Variants in PLAA observed in about 807,000 individuals in gnomAD.
PLAA encodes the protein phospholipase A2 activating protein.
In PLAA, 48 loss-of-function variants were observed where a neutral mutation model predicts 84.1. That is an observed-to-expected ratio of 0.57 (90% CI 0.45 to 0.73). PLAA has a LOEUF of 0.73. Ranked by LOEUF, PLAA falls within the 30% of genes least tolerant of loss-of-function variation. PLAA has a pLI of 0.00. For synonymous variants in PLAA, 392 were observed against 336.6 expected (o/e 1.16, Z -1.80); for missense variants, 903 against 954.7 (o/e 0.95, Z 0.71).
At chr9:26,940,278 A>C (rs1028899137) in intron 1 of PLAA, among the ~76,000 whole-genome samples, 1 of 152,236 alleles carries the variant, frequency 6.6e-6, no homozygotes, top group African/African-American at 2.4e-5. Context: ...ATGGATGAAT[A>C]AACAAAATGT....
intron 11 of PLAA, among the ~76,000 whole-genome samples, chr9:26,911,567 C>T (rs767712308): frequency 6.6e-6 from 1 of 152,118 alleles, no homozygotes; most frequent in Non-Finnish European, 1.5e-5. Context: ...AGATTACAGG[C>T]GTGAGCCACC....
rs1253429782 is a variant in PLAA at position 26,904,737 on chromosome 9, A to C, written c.*774T>G. ...TTATGTAACCACCTGATAAAATTCA[A>C]CATGTTCCAAATTCCCTTTGAAATA... On this transcript the variant is annotated 3_prime_UTR_variant, in exon 14 of 14. Transcript: ENST00000397292. 6.6e-6 allele frequency: 1 copy of C among 152,308 alleles called. No homozygotes were observed. Among genetic ancestry groups the C allele is most frequent in the African/African-American group, 2.4e-5 (1 of 41,450 alleles). The allele number at this position is 152,308 out of a possible 1,614,324, so 9.4% of individuals were successfully genotyped here.
rs1824387063 is a variant in PLAA, at chr9:26,911,157, C to T, written c.1556-718G>A. ...TGGTGGTTTGCTGAGGAGTCCTAGCCCTTTTGTTTTTTTGAGACAGAGTCA... is the reference window on the plus strand; with the variant it reads ...TGGTGGTTTGCTGAGGAGTCCTAGCTCTTTTGTTTTTTTGAGACAGAGTCA... On this transcript the variant is annotated intron_variant, in intron 11 of 13. Coordinates refer to ENST00000397292, the MANE Select transcript of PLAA (RefSeq NM_001031689.3). Among the ~76,000 whole-genome samples the T allele has an allele frequency of 1.3e-5, 2 of 151,618 alleles. 1 individual carries two copies. The highest frequency in any genetic ancestry group is 4.8e-5 in the African/African-American group (2 of 41,278).
chr9:26,943,111 T>C (rs1475460385), intron 1 of PLAA, among the ~76,000 whole-genome samples: 1 of 152,158 alleles, frequency 6.6e-6, no homozygotes, highest in Non-Finnish European at 1.5e-5. Context: ...TGAAGTCCTA[T>C]CTCACTCATC....
At chr9:26,915,816 T>G in intron 10 of PLAA, 1 of 985,438 alleles carries the variant, frequency 1.0e-6, no homozygotes, top group Non-Finnish European at 1.2e-6. Context: ...TTTGCTGGTA[T>G]TAGTTGAAGC....
At chr9:26,935,727 TGAA>T (rs1387387346) in intron 1 of PLAA, among the ~76,000 whole-genome samples, 11 of 152,098 alleles carry the variant, frequency 7.2e-5, no homozygotes, top group East Asian at 5.8e-4. Context: ...TGGGCCACAC[TGAA>T]GAAGAAGAAT....
At chr9:26,911,996 C>T (rs1184397050) in intron 11 of PLAA, among the ~76,000 whole-genome samples, 1 of 152,096 alleles carries the variant, frequency 6.6e-6, no homozygotes, top group African/African-American at 2.4e-5. Context: ...TTGGTCATTA[C>T]AGTCTAGGAG....
intron 7 of PLAA, among the ~76,000 whole-genome samples, chr9:26,922,269 T>G (rs1230625902): frequency 6.6e-6 from 1 of 150,952 alleles, no homozygotes; most frequent in Non-Finnish European, 1.5e-5. Flanking sequence ...GCAAACTGTT[T>G]TTTTTTGTTT....
intron 12 of PLAA, among the ~76,000 whole-genome samples, chr9:26,908,766 G>A (rs750386071): frequency 2.0e-5 from 3 of 152,070 alleles, no homozygotes; most frequent in Non-Finnish European, 4.4e-5. Flanking sequence ...GAGCCACCAC[G>A]TCCGGCCTCC....
In PLAA at chr9:26,913,947, C is replaced by A; in HGVS notation, c.1487G>T (p.Gly496Val). Residue 496 changes from glycine (G) to valine (V), a missense_variant and splice_region_variant, in exon 11 of 14, where the codon GGT becomes GTT. Gly to Val is a moderately radical substitution (Grantham distance 109). Coordinates refer to ENST00000397292, the MANE Select transcript of PLAA (RefSeq NM_001031689.3). ...NTLPTADPFT[G>V]AGRYVPGSAS... is the part of the protein sequence containing the mutation. ...AGAACCTGGTACATAACGACCAGCA[C>A]CTACAATACAATAATACTCCTAGTA... The A allele has an allele frequency of 6.2e-7, 1 of 1,606,650 alleles. No individual in the cohort carries two copies. Among genetic ancestry groups the A allele is most frequent in the South Asian group, 1.1e-5 (1 of 90,758 alleles).
intron 1 of PLAA, among the ~76,000 whole-genome samples, chr9:26,939,349 C>A (rs751343838): frequency 6.6e-6 from 1 of 151,922 alleles, no homozygotes; most frequent in Non-Finnish European, 1.5e-5. Flanking sequence ...GATTGCGCCA[C>A]TGCACTCCAG....
chr9:26,917,835 A>G (rs1824613668), intron 9 of PLAA, among the ~76,000 whole-genome samples: 1 of 152,210 alleles, frequency 6.6e-6, no homozygotes, highest in Non-Finnish European at 1.5e-5. Context: ...AAAAAACAGT[A>G]AGGATGCTGA....
At position 26,903,485 on chromosome 9, in the gene PLAA, T is replaced by C. The variant is rs938123998; in HGVS notation, c.*2026A>G. Reference sequence around the variant, plus strand: ...CGCTTTTTTAATAAAATAAAATACATTTACATACATAGTCACTATGCCACA... The same window carrying C: ...CGCTTTTTTAATAAAATAAAATACACTTACATACATAGTCACTATGCCACA... On this transcript the variant is annotated 3_prime_UTR_variant, in exon 14 of 14. Coordinates refer to ENST00000397292, the MANE Select transcript of PLAA (RefSeq NM_001031689.3). 2.4e-4 allele frequency among the ~76,000 whole-genome samples: 37 copies of C among 152,192 alleles called. No individual in the cohort carries two copies. Among genetic ancestry groups the C allele is most frequent in the African/African-American group, 8.4e-4 (35 of 41,464 alleles).
At chr9:26,938,820 C>T (rs1417617573) in intron 1 of PLAA, among the ~76,000 whole-genome samples, 1 of 151,970 alleles carries the variant, frequency 6.6e-6, no homozygotes, top group African/African-American at 2.4e-5. Flanking sequence ...TTTGTAACTC[C>T]AAATTTTTCC....
In PLAA at chr9:26,920,338, G is replaced by A. The variant is rs749838482; in HGVS notation, c.1086C>T (p.Val362=). 5.3e-5 allele frequency: 86 copies of A among 1,613,218 alleles called. No individual in the cohort carries two copies. The South Asian group carries it at 7.6e-4, about 14-fold the overall frequency. Residue 362 remains valine (V), a synonymous_variant, in exon 8 of 14, where the codon GTC becomes GTT. Transcript: ENST00000397292. ...CACTAACACTCCACTGATAGGCTTC[G>A]ACTTTCTCCCCATCTCTGATTAGAC... ...QTRLIRDGEK[V]EAYQWSVSEG...
intron 1 of PLAA, among the ~76,000 whole-genome samples, chr9:26,942,752 G>A (rs1825579367): frequency 6.6e-6 from 1 of 151,918 alleles, no homozygotes; most frequent in South Asian, 2.1e-4. Context: ...CGCCGTGGCG[G>A]GCGCCTAAAG....
intron 2 of PLAA, among the ~76,000 whole-genome samples, chr9:26,931,257 G>A (rs10757635): frequency 0.31 from 46,761 of 151,940 alleles, 8,495 homozygotes; most frequent in East Asian, 0.69. Flanking sequence ...TTTCTGTATA[G>A]AAGTCCCACA....
At chr9:26,922,998 C>G (rs933199257) in intron 7 of PLAA, among the ~76,000 whole-genome samples, 180 bp downstream of exon 7, 1 of 152,120 alleles carries the variant, frequency 6.6e-6, no homozygotes, top group African/African-American at 2.4e-5. Context: ...AATTCAAAGT[C>G]TTCTGTGAGA....
intron 1 of PLAA, among the ~76,000 whole-genome samples, chr9:26,942,181 T>C (rs1050623744): frequency 2.0e-5 from 3 of 152,174 alleles, no homozygotes; most frequent in Non-Finnish European, 4.4e-5. Flanking sequence ...ATGCACTACA[T>C]TTCAGGAAGC....
Sources: gnomAD v4.1 joint callset for allele counts (sites outside exome capture counted in the v4.1 genomes callset) on GRCh38, gnomAD v4.1.1 for gene constraint, MANE v1.5 for transcripts, NCBI Gene and HGNC (gene_info 2026-07-23, HGNC 2026-07-21) for gene names.